PRKD1: variants seen among roughly 807,000 people sequenced by gnomAD.
PRKD1 encodes protein kinase D1.
PRKD1 carries 63 observed loss-of-function variants against 95.9 expected under a neutral mutation model. The observed-to-expected ratio is 0.66, with a 90% CI of 0.54 to 0.81. PRKD1 has a LOEUF of 0.81. PRKD1 is among the 30% of genes least tolerant of loss of function. The probability of loss-of-function intolerance (pLI) is 0.00; values close to 1 mark genes in which losing one functional copy is unlikely to be tolerated. For missense variants in PRKD1, 1,048 were observed against 1,165.3 expected (o/e 0.90, Z 1.47); for synonymous variants, 425 against 423.1 (o/e 1.00, Z -0.05).
chr14:29,745,123 C>T (rs1887153728), intron 1 of PRKD1, among the ~76,000 whole-genome samples: 1 of 152,170 alleles, frequency 6.6e-6, no homozygotes, highest in Admixed American at 6.5e-5. Flanking sequence ...CCTCATTTTG[C>T]TCGTGTCACC....
At chr14:29,732,267 ATC>A (rs1886478439) in intron 1 of PRKD1, among the ~76,000 whole-genome samples, 1 of 152,000 alleles carries the variant, frequency 6.6e-6, no homozygotes. Flanking sequence ...TGTTTGTTAC[ATC>A]TGTTTTTTTG....
intron 1 of PRKD1, among the ~76,000 whole-genome samples, chr14:29,794,641 TTCTC>T (rs948180957): frequency 6.6e-6 from 1 of 151,220 alleles, no homozygotes; most frequent in Non-Finnish European, 1.5e-5. Context: ...CACAGGCTCA[TTCTC>T]TCTCTCTCTC....
chr14:29,846,695 A>G (rs1248925341), intron 1 of PRKD1, among the ~76,000 whole-genome samples: 1 of 152,204 alleles, frequency 6.6e-6, no homozygotes, highest in Non-Finnish European at 1.5e-5. Context: ...ACTGCTGAGT[A>G]GAAAAGAATC....
chr14:29,636,406 A>G lies in PRKD1; in HGVS notation c.1074T>C (p.Asp358=), dbSNP rs1880377646. Residue 358 remains aspartate (D), a synonymous_variant, in exon 7 of 18, where the codon GAT becomes GAC. Coordinates refer to ENST00000331968, the MANE Select transcript of PRKD1 (RefSeq NM_002742.3). ...CTTGGACCATTGCTTCTTCCATATC[A>G]TCCATGAGCCCACTGTTCCTTTCAC... ...NDSERNSGLM[D]DMEEAMVQDA... 1.2e-6 allele frequency: 2 copies of G among 1,613,874 alleles called. No individual in the cohort carries two copies. The highest frequency in any genetic ancestry group is 2.7e-5 in the African/African-American group (2 of 74,842).
At chr14:29,879,079 C>A (rs946846314) in intron 1 of PRKD1, among the ~76,000 whole-genome samples, 3 of 152,174 alleles carry the variant, frequency 2.0e-5, no homozygotes, top group Admixed American at 6.5e-5. Context: ...TAGCTCAGCA[C>A]CCACCTTCAG....
intron 1 of PRKD1, among the ~76,000 whole-genome samples, chr14:29,847,764 T>C (rs1470537817): frequency 6.6e-6 from 1 of 152,164 alleles, no homozygotes; most frequent in Non-Finnish European, 1.5e-5. Flanking sequence ...GCTATGTTCT[T>C]GAAGGGGCAG....
intron 2 of PRKD1, among the ~76,000 whole-genome samples, chr14:29,674,798 T>A (rs944744801): frequency 6.6e-6 from 1 of 152,226 alleles, no homozygotes. Flanking sequence ...TCAGAAATAT[T>A]CTGATAGGCA....
rs765735796 is a variant in PRKD1 at position 29,632,866 on chromosome 14, T to TA, written c.1392+2dup. ...AAACTACAAAGAAAGAGCCCACTCT[T>TA]ACCTTGTAGTACCTGCTTCCTGTGT... On this transcript the variant is annotated splice_region_variant and intron_variant, in intron 9 of 17. Coordinates refer to ENST00000331968, the MANE Select transcript of PRKD1 (RefSeq NM_002742.3). The TA allele has an allele frequency of 6.2e-7, 1 of 1,606,404 alleles. No homozygotes were observed. The highest frequency in any genetic ancestry group is 1.3e-5 in the African/African-American group (1 of 74,754).
In PRKD1 at chr14:29,666,127, T is replaced by A; in HGVS notation, c.485A>T (p.His162Leu). The change falls in exon 3 of 18, where the codon CAC becomes CTC. Residue 162 changes from histidine (H) to leucine (L), a missense_variant. Around this residue, in one of 3 missense-constraint regions of PRKD1, gnomAD observed 275 missense variants for 248.6 expected, o/e 1.11. Coordinates refer to ENST00000331968, the MANE Select transcript of PRKD1 (RefSeq NM_002742.3). ...HSYRAPAFCDHCGEMLWGLVR... is the reference protein window; with the variant it reads ...HSYRAPAFCDLCGEMLWGLVR... ...CAGCCCCCACAGCATTTCTCCACAGTGATCACAGAAAGCTGGAGCTCTGTA... is the reference window on the plus strand; with the variant it reads ...CAGCCCCCACAGCATTTCTCCACAGAGATCACAGAAAGCTGGAGCTCTGTA... The A allele has an allele frequency of 6.2e-7, 1 of 1,606,850 alleles. No individual in the cohort carries two copies. Among genetic ancestry groups the A allele is most frequent in the Non-Finnish European group, 8.5e-7 (1 of 1,175,112 alleles).
rs1348891420 is a variant in PRKD1, at chr14:29,576,714, C to G, written c.*524G>C. On this transcript the variant is annotated 3_prime_UTR_variant, in exon 18 of 18. Coordinates refer to ENST00000331968, the MANE Select transcript of PRKD1 (RefSeq NM_002742.3). Reference sequence around the variant, plus strand: ...CACCAGGCAGGCAAAGGATTCAAAACTATACATTAAAACTTGTTCATGCAT... The same window carrying G: ...CACCAGGCAGGCAAAGGATTCAAAAGTATACATTAAAACTTGTTCATGCAT... The G allele has an allele frequency of 5.9e-6, 1 of 169,200 alleles. No individual in the cohort carries two copies. The highest frequency in any genetic ancestry group is 1.3e-5 in the Non-Finnish European group (1 of 76,558). The allele number at this position is 169,200 out of a possible 1,614,324, so 10.5% of individuals were successfully genotyped here. A position where few individuals can be genotyped will look rare whatever the true frequency, so the allele number is the denominator to read the frequency against.
intron 1 of PRKD1, among the ~76,000 whole-genome samples, chr14:29,823,907 T>C (rs1223609805): frequency 6.6e-6 from 1 of 152,162 alleles, no homozygotes; most frequent in Non-Finnish European, 1.5e-5. Context: ...GTATTTCCCA[T>C]TGCGTATTTT....
At chr14:29,898,538 C>T (rs1486064697) in intron 1 of PRKD1, among the ~76,000 whole-genome samples, 1 of 152,116 alleles carries the variant, frequency 6.6e-6, no homozygotes, top group Non-Finnish European at 1.5e-5. Context: ...ATGAATATTA[C>T]ATATCATTAC....
chr14:29,894,983 A>G (rs547264404), intron 1 of PRKD1, among the ~76,000 whole-genome samples: 11 of 152,338 alleles, frequency 7.2e-5, no homozygotes, highest in Admixed American at 2.0e-4. Context: ...TCCAAGCCCC[A>G]AAGAAAAACT....
At chr14:29,581,867 C>T (rs1484048520) in intron 16 of PRKD1, among the ~76,000 whole-genome samples, 1 of 152,084 alleles carries the variant, frequency 6.6e-6, no homozygotes, top group Non-Finnish European at 1.5e-5. Flanking sequence ...CAGGATAAGG[C>T]CTAAACATAG....
intron 1 of PRKD1, among the ~76,000 whole-genome samples, chr14:29,896,402 A>G (rs966016601): frequency 3.3e-5 from 5 of 151,884 alleles, no homozygotes; most frequent in Non-Finnish European, 7.4e-5. Flanking sequence ...CAAGACTATT[A>G]GCTTAAATGA....
At chr14:29,656,558 AAGAC>A in intron 4 of PRKD1, 1 of 1,487,026 alleles carries the variant, frequency 6.7e-7, no homozygotes, top group Non-Finnish European at 9.1e-7. Context: ...AAAGGAGAAA[AAGAC>A]AGGAAAACAA....
chr14:29,665,426 G>C (rs991912707), intron 3 of PRKD1, among the ~76,000 whole-genome samples: 1 of 152,128 alleles, frequency 6.6e-6, no homozygotes, highest in African/African-American at 2.4e-5. Context: ...ACACCACTGT[G>C]TGTGCCCCTG....
At chr14:29,852,398 C>T (rs970437631) in intron 1 of PRKD1, among the ~76,000 whole-genome samples, 5 of 151,898 alleles carry the variant, frequency 3.3e-5, no homozygotes, top group African/African-American at 1.2e-4. Context: ...AATCAGCAAA[C>T]TTGAAGATAG....
At chr14:29,794,403 G>C (rs954617558) in intron 1 of PRKD1, among the ~76,000 whole-genome samples, 6 of 151,592 alleles carry the variant, frequency 4.0e-5, no homozygotes, top group African/African-American at 1.2e-4. Context: ...GGTTTTTTTT[G>C]AGGGGGTGGC....
Sources: allele counts gnomAD v4.1 joint callset (sites outside exome capture counted in the v4.1 genomes callset), GRCh38; gene constraint gnomAD v4.1.1; regional missense constraint gnomAD v4.1.1; transcripts MANE v1.5; gene names NCBI Gene and HGNC (gene_info 2026-07-23, HGNC 2026-07-21).